C10orf90: variants seen among roughly 807,000 people sequenced by gnomAD.
C10orf90 encodes the protein (E2-independent) E3 ubiquitin-conjugating enzyme FATS.
Under a neutral mutation model 62.5 loss-of-function variants are expected in C10orf90, and 56 were observed. That is an observed-to-expected ratio of 0.90 (90% CI 0.72 to 1.12). The LOEUF (loss-of-function observed/expected upper bound fraction) is 1.12, where lower values mean the gene tolerates loss of function less well. C10orf90 is among the 50% of genes most tolerant of loss of function. C10orf90 has a pLI of 0.00. For synonymous variants in C10orf90, 386 were observed against 340.4 expected (o/e 1.13, Z -1.47); for missense variants, 970 against 880.4 (o/e 1.10, Z -1.29).
chr10:126,491,884 C>T (rs1861791431), intron 4 of C10orf90, among the ~76,000 whole-genome samples: 1 of 152,180 alleles, frequency 6.6e-6, no homozygotes, highest in African/African-American at 2.4e-5. Context: ...ACAGGAAACA[C>T]ATCCAGAAGG....
chr10:126,611,678 C>G (rs894513164), intron 2 of C10orf90, among the ~76,000 whole-genome samples: 4 of 152,202 alleles, frequency 2.6e-5, no homozygotes, highest in African/African-American at 9.7e-5. Context: ...TGGTTCCACA[C>G]TCATTCTTAA....
At chr10:126,467,309 T>C (rs1220484304) in intron 4 of C10orf90, among the ~76,000 whole-genome samples, 1 of 152,226 alleles carries the variant, frequency 6.6e-6, no homozygotes, top group Non-Finnish European at 1.5e-5. Context: ...TGACTACTGA[T>C]TGATCAGGTC....
intron 2 of C10orf90, among the ~76,000 whole-genome samples, chr10:126,556,509 T>G (rs755608301): frequency 5.9e-5 from 9 of 152,192 alleles, no homozygotes; most frequent in Non-Finnish European, 1.3e-4. Flanking sequence ...TTTCAATAAA[T>G]GTACGGTATA....
At chr10:126,455,976 C>T (rs1366047486) in intron 7 of C10orf90, among the ~76,000 whole-genome samples, 1 of 152,210 alleles carries the variant, frequency 6.6e-6, no homozygotes, top group Non-Finnish European at 1.5e-5. Context: ...TCAGGTTCTG[C>T]TCCTGAGCCA....
intron 2 of C10orf90, among the ~76,000 whole-genome samples, chr10:126,581,273 T>C (rs1033741929): frequency 2.6e-5 from 4 of 152,174 alleles, no homozygotes; most frequent in African/African-American, 9.7e-5. Context: ...AAGGGCACAT[T>C]ACAGTGGGAA....
chr10:126,562,763 A>G (rs1189524991), intron 2 of C10orf90, among the ~76,000 whole-genome samples: 1 of 152,246 alleles, frequency 6.6e-6, no homozygotes, highest in Non-Finnish European at 1.5e-5. Flanking sequence ...TCCAGGGAGC[A>G]GAGCCTGCCA....
At chr10:126,510,177 T>TGCATTGA (rs1461975561) in intron 3 of C10orf90, among the ~76,000 whole-genome samples, 2 of 152,178 alleles carry the variant, frequency 1.3e-5, no homozygotes. Context: ...GCAGTCACAT[T>TGCATTGA]CTGAGAAAGT....
intron 8 of C10orf90, among the ~76,000 whole-genome samples, chr10:126,428,060 A>C (rs1475043914): frequency 1.3e-5 from 2 of 152,204 alleles, no homozygotes; most frequent in Non-Finnish European, 2.9e-5. Flanking sequence ...CTCTGCAGAC[A>C]GTCAAAACCG....
intron 2 of C10orf90, among the ~76,000 whole-genome samples, chr10:126,644,768 T>G (rs1846133092): frequency 1.3e-5 from 2 of 152,192 alleles, no homozygotes. Flanking sequence ...TCACCAGGCC[T>G]CGTTGTTCTC....
intron 4 of C10orf90, among the ~76,000 whole-genome samples, chr10:126,477,312 TG>T (rs1299776906): frequency 1.4e-5 from 2 of 142,770 alleles, no homozygotes; most frequent in African/African-American, 5.2e-5. Flanking sequence ...TTAAAGAACA[TG>T]AAAAAAAAAA....
intron 2 of C10orf90, among the ~76,000 whole-genome samples, chr10:126,569,731 TGCTAA>T (rs761491276): frequency 1.3e-5 from 2 of 152,168 alleles, no homozygotes; most frequent in Non-Finnish European, 2.9e-5. Context: ...GGCCAATCTA[TGCTAA>T]TGGCTCTCAG....
intron 4 of C10orf90, among the ~76,000 whole-genome samples, chr10:126,490,030 T>C (rs1212537351): frequency 8.7e-5 from 10 of 114,814 alleles, no homozygotes; most frequent in East Asian, 4.4e-4. Context: ...TAATATATAA[T>C]ATATAATATA....
chr10:126,462,929 A>C (rs1860079481), intron 5 of C10orf90, among the ~76,000 whole-genome samples: 1 of 152,126 alleles, frequency 6.6e-6, no homozygotes, highest in Non-Finnish European at 1.5e-5. Context: ...CCAACAGCAC[A>C]CCACTTAGAA....
chr10:126,547,414 C>CAA (rs55740296), intron 2 of C10orf90, among the ~76,000 whole-genome samples: 1 of 125,198 alleles, frequency 8.0e-6, no homozygotes, highest in African/African-American at 3.0e-5. Context: ...GCAAGACTGT[C>CAA]AAAAAAAAAA....
chr10:126,472,865 G>A (rs1399126305), intron 4 of C10orf90, among the ~76,000 whole-genome samples: 1 of 152,096 alleles, frequency 6.6e-6, no homozygotes, highest in African/African-American at 2.4e-5. Flanking sequence ...CATGAGTGAA[G>A]AAGGGAGGTG....
At chr10:126,597,568 C>T (rs1455398946) in intron 2 of C10orf90, among the ~76,000 whole-genome samples, 1 of 152,060 alleles carries the variant, frequency 6.6e-6, no homozygotes, top group East Asian at 1.9e-4. Flanking sequence ...TGGATGCTGG[C>T]AATAGAATGA....
At chr10:126,540,197 T>C (rs1347501039) in intron 2 of C10orf90, among the ~76,000 whole-genome samples, 1 of 152,032 alleles carries the variant, frequency 6.6e-6, no homozygotes, top group Non-Finnish European at 1.5e-5. Context: ...AAAATTATAG[T>C]GGAGGAAATA....
rs576974131 is a variant in C10orf90, at chr10:126,508,987, G to A, written c.406-3902C>T. On this transcript the variant is annotated intron_variant, in intron 3 of 9. Coordinates refer to ENST00000488181, the MANE Select transcript of C10orf90 (RefSeq NM_001350921.2). Reference sequence around the variant, plus strand: ...ACCGAGCCCTGAAGCCACAGCCAGAGCCCAGGGCTGTGCATGCTGAGGGAT... The same window carrying A: ...ACCGAGCCCTGAAGCCACAGCCAGAACCCAGGGCTGTGCATGCTGAGGGAT... Among the ~76,000 whole-genome samples the A allele has an allele frequency of 2.6e-5, 4 of 152,330 alleles. No individual in the cohort carries two copies. In the South Asian group the frequency reaches 8.3e-4, roughly 32 times the overall value.
At chr10:126,548,280 T>C (rs10901631) in intron 2 of C10orf90, among the ~76,000 whole-genome samples, 116,535 of 152,078 alleles carry the variant, frequency 0.77, 44,802 homozygotes, top group Middle Eastern at 0.81. Context: ...CAGTGGCTCG[T>C]GCCTGTAATC....
Sources: gnomAD v4.1 joint callset for allele counts (sites outside exome capture counted in the v4.1 genomes callset) on GRCh38, gnomAD v4.1.1 for gene constraint, MANE v1.5 for transcripts, NCBI Gene and HGNC (gene_info 2026-07-23, HGNC 2026-07-21) for gene names.